SLK: variants seen among roughly 807,000 people sequenced by gnomAD.
SLK encodes STE20-like serine/threonine-protein kinase.
In SLK, 67 loss-of-function variants were observed where a neutral mutation model predicts 147.7. The observed-to-expected ratio is 0.45, with a 90% CI of 0.37 to 0.56. The LOEUF (loss-of-function observed/expected upper bound fraction) is 0.56, where lower values mean the gene tolerates loss of function less well. Ranked by LOEUF, SLK falls within the 20% of genes least tolerant of loss-of-function variation. The pLI is 0.00. For missense variants in SLK, 1,136 were observed against 1,438.8 expected (o/e 0.79, Z 3.41); for synonymous variants, 441 against 475.0 (o/e 0.93, Z 0.93).
At position 103,997,314 on chromosome 10, in the gene SLK, C is replaced by T. The variant is rs141932184; in HGVS notation, c.515-1585C>T. Among the ~76,000 whole-genome samples, 1,019 of 152,224 alleles carry T rather than the reference C, an allele frequency of 6.7e-3. 7 individuals carry two copies. Among genetic ancestry groups the T allele is most frequent in the Non-Finnish European group, 8.1e-3 (549 of 68,022 alleles). On this transcript the variant is annotated intron_variant, in intron 4 of 18. Coordinates refer to ENST00000369755, the MANE Select transcript of SLK (RefSeq NM_014720.4). ...ATGTATATAACACATTTTGTTTATCCGTTCATCCATCAGTGGGCACTTGGG... is the reference window on the plus strand; with the variant it reads ...ATGTATATAACACATTTTGTTTATCTGTTCATCCATCAGTGGGCACTTGGG...
intron 18 of SLK, among the ~76,000 whole-genome samples, chr10:104,025,039 C>T (rs1844579632): frequency 6.6e-6 from 1 of 152,124 alleles, no homozygotes; most frequent in Admixed American, 6.5e-5. Flanking sequence ...ACAATGGTGC[C>T]TCTTACATTT....
chr10:103,972,629 A>G (rs918414753), intron 1 of SLK, among the ~76,000 whole-genome samples: 4 of 150,584 alleles, frequency 2.7e-5, no homozygotes, highest in Middle Eastern at 3.4e-3. Context: ...CCGGGATCGC[A>G]CCACTGCACT....
chr10:103,980,238 TTAA>T (rs3068935), intron 1 of SLK, among the ~76,000 whole-genome samples: 29,772 of 152,098 alleles, frequency 0.2, 3,141 homozygotes, highest in Non-Finnish European at 0.24. Context: ...TGATTATTTA[TTAA>T]TGCTTATTTT....
At chr10:103,991,679 G>A (rs1194545327) in intron 2 of SLK, among the ~76,000 whole-genome samples, 1 of 151,680 alleles carries the variant, frequency 6.6e-6, no homozygotes, top group African/African-American at 2.4e-5. Flanking sequence ...ATAATGTAAT[G>A]AATTTGAAAA....
intron 12 of SLK, among the ~76,000 whole-genome samples, chr10:104,010,560 C>G (rs990328353): frequency 6.6e-6 from 1 of 152,176 alleles, no homozygotes; most frequent in Non-Finnish European, 1.5e-5. Context: ...GTCTTTGGAC[C>G]TTTAAGAAAG....
chr10:104,004,988 G>A (rs1362166629), intron 9 of SLK, among the ~76,000 whole-genome samples: 1 of 152,054 alleles, frequency 6.6e-6, no homozygotes. Context: ...TGAGATGGAG[G>A]GAGGGGCTGT....
intron 1 of SLK, among the ~76,000 whole-genome samples, chr10:103,986,383 A>G (rs1192700198): frequency 6.6e-6 from 1 of 152,168 alleles, no homozygotes; most frequent in Non-Finnish European, 1.5e-5. Flanking sequence ...CACACAACCT[A>G]GATCCCTCAC....
At position 104,021,635 on chromosome 10, in the gene SLK, T is replaced by G. The variant is rs1345244548; in HGVS notation, c.3463T>G (p.Leu1155Val). Residue 1155 changes from leucine to valine, a missense_variant, in exon 18 of 19, where the codon TTG becomes GTG. Leu to Val is a conservative substitution (Grantham distance 32). This residue lies in a region of SLK where 327 missense variants were observed against 457.5 expected (regional missense o/e 0.71). Transcript: ENST00000369755. Reference protein sequence around the residue: ...LHQLQNEKCHLLVEHETQKLK... With the variant: ...LHQLQNEKCHVLVEHETQKLK... ...TTATTTTCAGAATGAAAAATGCCACTTGTTGGTTGAGCATGAGACTCAGAA... is the reference window on the plus strand; with the variant it reads ...TTATTTTCAGAATGAAAAATGCCACGTGTTGGTTGAGCATGAGACTCAGAA... 2 of 1,599,546 alleles carry G rather than the reference T, an allele frequency of 1.3e-6. No individual in the cohort carries two copies. The highest frequency in any genetic ancestry group is 2.7e-5 in the African/African-American group (2 of 74,094).
intron 1 of SLK, among the ~76,000 whole-genome samples, chr10:103,980,699 T>C (rs571000609): frequency 3.6e-4 from 55 of 152,322 alleles, no homozygotes; most frequent in African/African-American, 1.2e-3. Flanking sequence ...ATTTGTGGTA[T>C]GTATATACAC....
chr10:104,006,431 A>G (rs1430096732), intron 11 of SLK, among the ~76,000 whole-genome samples: 2 of 152,172 alleles, frequency 1.3e-5, no homozygotes, highest in African/African-American at 4.8e-5. Context: ...CTTCAAACCT[A>G]GCTGAGCAGT....
chr10:103,994,050 A>G (rs929742220), intron 4 of SLK, among the ~76,000 whole-genome samples: 2 of 151,870 alleles, frequency 1.3e-5, no homozygotes, highest in East Asian at 3.9e-4. Context: ...ATGCACCACC[A>G]CGCCTGGCGA....
At chr10:103,977,773 A>G (rs1405416136) in intron 1 of SLK, among the ~76,000 whole-genome samples, 1 of 152,204 alleles carries the variant, frequency 6.6e-6, no homozygotes, top group Admixed American at 6.5e-5. Context: ...GTTTGGATAT[A>G]AGAAAGCTAT....
At chr10:103,998,243 A>G (rs1323353401) in intron 4 of SLK, among the ~76,000 whole-genome samples, 1 of 152,204 alleles carries the variant, frequency 6.6e-6, no homozygotes, top group African/African-American at 2.4e-5. Context: ...TACTTATTCA[A>G]CTTTGAGAAT....
chr10:104,019,617 G>A (rs1007413816), intron 15 of SLK, 117 bp from the exon 16 acceptor site: 33 of 846,650 alleles, frequency 3.9e-5, no homozygotes, highest in Middle Eastern at 5.9e-4. Context: ...GCTGGTCACT[G>A]CAACAAGGGA....
intron 1 of SLK, among the ~76,000 whole-genome samples, chr10:103,986,212 GTAT>G (rs1268203493): frequency 6.6e-6 from 1 of 151,750 alleles, no homozygotes; most frequent in East Asian, 1.9e-4. Context: ...TACTTTGTTT[GTAT>G]TATTACTACA....
Position 103,991,611 on chromosome 10 carries a change from G to A in SLK, c.315+772G>A, listed in dbSNP as rs553714977. Among the ~76,000 whole-genome samples, 4 of 151,962 alleles carry A rather than the reference G, an allele frequency of 2.6e-5. No homozygotes were observed. In the South Asian group the frequency reaches 8.3e-4, roughly 32 times the overall value. On this transcript the variant is annotated intron_variant, in intron 2 of 18. Transcript: ENST00000369755. ...CTTGGATAAGTCAGTTAACTTTTAT[G>A]AGTCTGTTTACTCATCTGTAGGATG...
In SLK at chr10:104,005,680, G is replaced by C. The variant is rs570410170; in HGVS notation, c.2469G>C (p.Leu823Phe). The C allele has an allele frequency of 3.1e-6, 5 of 1,610,674 alleles. No homozygotes were observed. The highest frequency in any genetic ancestry group is 4.2e-6 in the Non-Finnish European group (5 of 1,178,750). The part of the protein sequence containing the change: ...VTDSDSKTEE[L>F]RFLRRQELRE... The stretch of plus-strand genomic sequence containing the variant: ...ATAGTGATTCCAAAACTGAAGAATT[G>C]CGGTTTCTTAGGTGAGTAGAGAAAC... The change falls in exon 10 of 19, where the codon TTG becomes TTC. Residue 823 changes from leucine (L) to phenylalanine (F), a missense_variant. Coordinates refer to ENST00000369755, the MANE Select transcript of SLK (RefSeq NM_014720.4).
At position 104,002,585 on chromosome 10, in the gene SLK, T is replaced by G. The variant is rs1489705902; in HGVS notation, c.1407T>G (p.Ser469=). 1 of 1,604,732 alleles carries G rather than the reference T, an allele frequency of 6.2e-7. No individual in the cohort carries two copies. The highest frequency in any genetic ancestry group is 1.1e-5 in the South Asian group (1 of 90,066). The stretch of plus-strand genomic sequence containing the variant: ...CAAATATTGAACATAATCTAAAATC[T>G]GAGGAAGAAAAGGATCAGGAAAAGC... ...LETNIEHNLK[S]EEEKDQEKQQ... Residue 469 remains serine, a synonymous_variant, in exon 9 of 19, where the codon TCT becomes TCG. Coordinates refer to ENST00000369755, the MANE Select transcript of SLK (RefSeq NM_014720.4).
chr10:104,014,787 T>C (rs1308510687), intron 13 of SLK, among the ~76,000 whole-genome samples: 1 of 152,204 alleles, frequency 6.6e-6, no homozygotes, highest in Non-Finnish European at 1.5e-5. Flanking sequence ...CTTGTACTTT[T>C]AAAGGGCACT....
Sources: allele counts gnomAD v4.1 joint callset (sites outside exome capture counted in the v4.1 genomes callset), GRCh38; gene constraint gnomAD v4.1.1; regional missense constraint gnomAD v4.1.1; transcripts MANE v1.5; gene names NCBI Gene and HGNC (gene_info 2026-07-23, HGNC 2026-07-21).